Variants in CCBE1 observed in about 807,000 individuals in gnomAD.
The protein encoded by CCBE1 is collagen and calcium binding EGF domains 1, also known as collagen and calcium-binding EGF domain-containing protein 1.
In CCBE1, 37 loss-of-function variants were observed where a neutral mutation model predicts 50.0. The ratio of observed to expected loss-of-function variants is 0.74; its 90% CI spans 0.57 to 0.97. CCBE1 has a LOEUF of 0.97. Among genes scored for constraint, CCBE1 ranks in the 50% least tolerant of loss-of-function variants. The pLI is 0.00. For synonymous variants in CCBE1, 234 were observed against 203.7 expected (o/e 1.15, Z -1.27); for missense variants, 538 against 523.8 (o/e 1.03, Z -0.26).
At chr18:59,460,720 T>A (rs1242226957) in intron 5 of CCBE1, among the ~76,000 whole-genome samples, 1 of 152,032 alleles carries the variant, frequency 6.6e-6, no homozygotes, top group Admixed American at 6.6e-5. Flanking sequence ...TCGCCTGAGA[T>A]CGGGAGTTCG....
intron 2 of CCBE1, among the ~76,000 whole-genome samples, chr18:59,513,047 C>T (rs1411136451): frequency 2.0e-5 from 3 of 152,202 alleles, no homozygotes; most frequent in Non-Finnish European, 4.4e-5. Context: ...GGAGCAGTGG[C>T]TCATGCCTGT....
At chr18:59,634,956 C>T (rs2053896782) in intron 2 of CCBE1, among the ~76,000 whole-genome samples, 1 of 152,026 alleles carries the variant, frequency 6.6e-6, no homozygotes, top group African/African-American at 2.4e-5. Context: ...TAATTAGAAA[C>T]CCAAGAGAAA....
intron 2 of CCBE1, among the ~76,000 whole-genome samples, chr18:59,548,929 C>T (rs1353421927): frequency 6.6e-6 from 1 of 151,834 alleles, no homozygotes; most frequent in Non-Finnish European, 1.5e-5. Context: ...ATGGCAAAAC[C>T]CCCTATGTAT....
intron 2 of CCBE1, among the ~76,000 whole-genome samples, chr18:59,582,333 T>G (rs2053097477): frequency 6.6e-6 from 1 of 152,172 alleles, no homozygotes; most frequent in African/African-American, 2.4e-5. Context: ...CTTCCACTGA[T>G]TTCTTCTAGG....
chr18:59,658,895 A>AC (rs1480243881), intron 2 of CCBE1, among the ~76,000 whole-genome samples: 2 of 151,154 alleles, frequency 1.3e-5, no homozygotes, highest in Non-Finnish European at 3.0e-5. Flanking sequence ...AAAAAAAAAA[A>AC]AAAAAAAAAA....
chr18:59,560,442 C>T, intron 2 of CCBE1, among the ~76,000 whole-genome samples: 1 of 152,078 alleles, frequency 6.6e-6, no homozygotes, highest in East Asian at 1.9e-4. Flanking sequence ...CACACCGGGG[C>T]CTGTCAGTGG....
intron 2 of CCBE1, among the ~76,000 whole-genome samples, chr18:59,616,426 G>A (rs956050003): frequency 1.3e-5 from 2 of 152,138 alleles, no homozygotes; most frequent in South Asian, 2.1e-4. Context: ...TAAAAAGTTG[G>A]ATCAGCTTCA....
Position 59,466,843 on chromosome 18 carries a change from C to T in CCBE1, c.449G>A (p.Cys150Tyr). ...GCGGTAGCTGCCCAAGGTATTGATG[C>T]AGATGTGGGCACACAGCGTCCCATT... ...SSNGTLCAHI[C>Y]INTLGSYRCE... The change falls in exon 5 of 11, where the codon TGC (cysteine) becomes TAC (tyrosine). Residue 150 changes from cysteine to tyrosine, a missense_variant. Cys to Tyr is a radical substitution (Grantham distance 194). Coordinates refer to ENST00000439986, the MANE Select transcript of CCBE1 (RefSeq NM_133459.4). 2 of 1,613,642 alleles carry T rather than the reference C, an allele frequency of 1.2e-6. No homozygotes were observed. Among genetic ancestry groups the T allele is most frequent in the Non-Finnish European group, 1.7e-6 (2 of 1,179,866 alleles).
intron 2 of CCBE1, among the ~76,000 whole-genome samples, chr18:59,483,426 C>A (rs1273366527): frequency 1.3e-5 from 2 of 152,136 alleles, no homozygotes; most frequent in East Asian, 3.8e-4. Context: ...AATCTGAAAT[C>A]TGAAATGTTT....
At chr18:59,593,695 T>C (rs1363082655) in intron 2 of CCBE1, among the ~76,000 whole-genome samples, 6 of 152,228 alleles carry the variant, frequency 3.9e-5, no homozygotes, top group Admixed American at 2.0e-4. Context: ...ATTCTTTATT[T>C]GTGCTGACAT....
At chr18:59,574,166 T>C (rs6567103) in intron 2 of CCBE1, among the ~76,000 whole-genome samples, 85,121 of 152,050 alleles carry the variant, frequency 0.56, 24,658 homozygotes, top group East Asian at 0.76. Flanking sequence ...GCCTCCCATG[T>C]GATCTGATTA....
intron 2 of CCBE1, among the ~76,000 whole-genome samples, chr18:59,695,202 G>C (rs138150654): frequency 6.6e-6 from 1 of 152,150 alleles, no homozygotes; most frequent in South Asian, 2.1e-4. Context: ...TGTTAAATTC[G>C]AGGCTTTATA....
At chr18:59,605,016 T>A (rs1249788845) in intron 2 of CCBE1, among the ~76,000 whole-genome samples, 12 of 152,194 alleles carry the variant, frequency 7.9e-5, no homozygotes, top group Admixed American at 7.9e-4. Context: ...ACCGTGTTCA[T>A]CATGCCTGAA....
chr18:59,682,062 A>T (rs1409322866), intron 2 of CCBE1, among the ~76,000 whole-genome samples: 2 of 152,210 alleles, frequency 1.3e-5, no homozygotes, highest in African/African-American at 4.8e-5. Flanking sequence ...AGGGTAGGTC[A>T]TTAAAAACCA....
intron 2 of CCBE1, among the ~76,000 whole-genome samples, chr18:59,505,191 T>C (rs1913813787): frequency 6.6e-6 from 1 of 152,168 alleles, no homozygotes; most frequent in Admixed American, 6.5e-5. Context: ...AGTATAGAAC[T>C]TTGGGCCACA....
At chr18:59,645,936 C>A (rs2144656056) in intron 2 of CCBE1, among the ~76,000 whole-genome samples, 1 of 151,850 alleles carries the variant, frequency 6.6e-6, no homozygotes, top group East Asian at 1.9e-4. Context: ...GAGGCTGAGG[C>A]AGGAGAATGG....
At chr18:59,558,723 G>T (rs1486434772) in intron 2 of CCBE1, among the ~76,000 whole-genome samples, 1 of 152,172 alleles carries the variant, frequency 6.6e-6, no homozygotes, top group Non-Finnish European at 1.5e-5. Context: ...AAGGAGCCAG[G>T]ATACAGCTTA....
intron 2 of CCBE1, among the ~76,000 whole-genome samples, chr18:59,595,187 C>T (rs2053333639): frequency 6.7e-6 from 1 of 149,294 alleles, no homozygotes; most frequent in South Asian, 2.1e-4. Context: ...TCAGACTCCT[C>T]CCTTGCACAG....
intron 6 of CCBE1, among the ~76,000 whole-genome samples, chr18:59,449,009 T>G (rs551559218): frequency 1.3e-5 from 2 of 152,228 alleles, no homozygotes; most frequent in African/African-American, 4.8e-5. Flanking sequence ...GGGAAATGTA[T>G]CAGTAAATCT....
Sources: gnomAD v4.1 joint callset for allele counts (sites outside exome capture counted in the v4.1 genomes callset) on GRCh38, gnomAD v4.1.1 for gene constraint, MANE v1.5 for transcripts, NCBI Gene and HGNC (gene_info 2026-07-23, HGNC 2026-07-21) for gene names.